Variants in ATRNL1 observed in about 807,000 individuals in gnomAD.
ATRNL1 encodes attractin like 1.
A neutral mutation model predicts 182.7 loss-of-function variants in ATRNL1; 95 were observed. The ratio of observed to expected loss-of-function variants is 0.52; its 90% CI spans 0.44 to 0.62. The LOEUF (loss-of-function observed/expected upper bound fraction) is 0.62. Ranked by LOEUF, ATRNL1 falls within the 20% of genes least tolerant of loss-of-function variation. ATRNL1 has a pLI of 0.00. For missense variants in ATRNL1, 1,471 were observed against 1,679.5 expected, an observed-to-expected ratio of 0.88 and a Z score of 2.17; for synonymous variants, 576 against 568.3, an observed-to-expected ratio of 1.01 and a Z score of -0.19.
intron 28 of ATRNL1, among the ~76,000 whole-genome samples, chr10:115,862,592 T>C (rs1309512173): frequency 2.0e-5 from 3 of 152,342 alleles, no homozygotes; most frequent in African/African-American, 4.8e-5. Context: ...GGCAACCTAG[T>C]GCTGGGAAGA....
intron 28 of ATRNL1, among the ~76,000 whole-genome samples, chr10:115,885,903 G>C (rs575801101): frequency 9.5e-4 from 144 of 152,208 alleles, no homozygotes; most frequent in South Asian, 5.0e-3. Context: ...ACCATGTGAG[G>C]GTTCTCTAAA....
chr10:115,917,983 G>T (rs1952924522), intron 28 of ATRNL1, among the ~76,000 whole-genome samples: 1 of 151,636 alleles, frequency 6.6e-6, no homozygotes, highest in South Asian at 2.1e-4. Flanking sequence ...CCAGAAATAA[G>T]ATTTGTATCA....
intron 18 of ATRNL1, among the ~76,000 whole-genome samples, chr10:115,323,869 C>T (rs1254357799): frequency 6.6e-6 from 1 of 152,032 alleles, no homozygotes; most frequent in African/African-American, 2.4e-5. Context: ...GCTCCACCTC[C>T]CGGGTTCACG....
intron 26 of ATRNL1, among the ~76,000 whole-genome samples, chr10:115,553,735 C>T (rs1212961791): frequency 6.6e-6 from 1 of 151,400 alleles, no homozygotes; most frequent in Non-Finnish European, 1.5e-5. Context: ...TACATTAGTT[C>T]TTTCCTTCTA....
At chr10:115,939,208 G>A (rs1318877944) in intron 28 of ATRNL1, among the ~76,000 whole-genome samples, 1 of 152,132 alleles carries the variant, frequency 6.6e-6, no homozygotes, top group Non-Finnish European at 1.5e-5. Context: ...CCACTGAGTC[G>A]TGCCCATTTT....
At chr10:115,641,721 T>G (rs527247082) in intron 26 of ATRNL1, among the ~76,000 whole-genome samples, 17 of 152,240 alleles carry the variant, frequency 1.1e-4, no homozygotes, top group African/African-American at 4.1e-4. Flanking sequence ...TTTGTAATTT[T>G]GCACTGTAAG....
chr10:115,561,580 T>G (rs1314338112), intron 26 of ATRNL1, among the ~76,000 whole-genome samples: 1 of 152,118 alleles, frequency 6.6e-6, no homozygotes, highest in Admixed American at 6.6e-5. Flanking sequence ...TATGACACCA[T>G]TTTTAAACAA....
At chr10:115,641,566 T>C (rs944086198) in intron 26 of ATRNL1, among the ~76,000 whole-genome samples, 5 of 152,210 alleles carry the variant, frequency 3.3e-5, no homozygotes, top group African/African-American at 9.6e-5. Context: ...ATAGAAAAAC[T>C]AGACTCCACA....
chr10:115,409,594 T>G (rs1324589926), intron 20 of ATRNL1, among the ~76,000 whole-genome samples: 1 of 152,132 alleles, frequency 6.6e-6, no homozygotes, highest in Non-Finnish European at 1.5e-5. Flanking sequence ...GCTGGGACTT[T>G]CAACACTATG....
At chr10:115,871,586 G>A (rs1037334662) in intron 28 of ATRNL1, among the ~76,000 whole-genome samples, 2 of 151,108 alleles carry the variant, frequency 1.3e-5, no homozygotes, top group Admixed American at 1.3e-4. Context: ...AAGCATCCAA[G>A]GAAAGGAACT....
chr10:115,633,895 G>T (rs1229439180), intron 26 of ATRNL1, among the ~76,000 whole-genome samples: 2 of 152,022 alleles, frequency 1.3e-5, no homozygotes, highest in African/African-American at 4.8e-5. Flanking sequence ...GGCTATATTT[G>T]CTAGTAGTTG....
intron 27 of ATRNL1, among the ~76,000 whole-genome samples, chr10:115,765,200 T>C (rs1017272021): frequency 3.9e-5 from 6 of 152,154 alleles, no homozygotes; most frequent in African/African-American, 1.2e-4. Flanking sequence ...GGGAGCACAA[T>C]TGCTGGATCA....
chr10:115,630,309 G>A (rs554608241), intron 26 of ATRNL1, among the ~76,000 whole-genome samples: 2 of 152,032 alleles, frequency 1.3e-5, no homozygotes, highest in Non-Finnish European at 2.9e-5. Context: ...AAACCACAAT[G>A]AGATATTATC....
intron 21 of ATRNL1, among the ~76,000 whole-genome samples, chr10:115,443,677 A>G (rs1263416409): frequency 2.6e-5 from 4 of 151,926 alleles, no homozygotes; most frequent in Admixed American, 2.6e-4. Flanking sequence ...TAGACTTTCT[A>G]TTCTTGGTTA....
chr10:115,545,745 A>C (rs918387916), intron 25 of ATRNL1, among the ~76,000 whole-genome samples: 3 of 152,228 alleles, frequency 2.0e-5, no homozygotes, highest in Non-Finnish European at 2.9e-5. Flanking sequence ...TCTACTGAAT[A>C]TAAGTAACTT....
At chr10:115,456,545 G>C (rs1490523013) in intron 21 of ATRNL1, among the ~76,000 whole-genome samples, 1 of 152,082 alleles carries the variant, frequency 6.6e-6, no homozygotes, top group Non-Finnish European at 1.5e-5. Flanking sequence ...ATGACAGGTT[G>C]ATGGATGCAG....
chr10:115,532,995 G>A (rs1464540664), intron 25 of ATRNL1, among the ~76,000 whole-genome samples: 1 of 151,772 alleles, frequency 6.6e-6, no homozygotes, highest in Non-Finnish European at 1.5e-5. Flanking sequence ...GCTTTTTGAT[G>A]TGCTGCTGGA....
intron 26 of ATRNL1, among the ~76,000 whole-genome samples, chr10:115,649,752 T>G (rs546159624): frequency 6.6e-6 from 1 of 152,286 alleles, no homozygotes; most frequent in East Asian, 1.9e-4. Context: ...TTTCCAAGTG[T>G]CATAATAACT....
At chr10:115,353,606 T>C (rs1324386131) in intron 19 of ATRNL1, among the ~76,000 whole-genome samples, 1 of 152,216 alleles carries the variant, frequency 6.6e-6, no homozygotes, top group African/African-American at 2.4e-5. Context: ...TTCCAGTTTG[T>C]CATTTTTCTT....
Sources: allele counts gnomAD v4.1 joint callset (sites outside exome capture counted in the v4.1 genomes callset), GRCh38; gene constraint gnomAD v4.1.1; transcripts MANE v1.5; gene names NCBI Gene and HGNC (gene_info 2026-07-23, HGNC 2026-07-21).